FAAP20: variants seen among roughly 807,000 people sequenced by gnomAD.
FAAP20 encodes the protein Fanconi anemia core complex-associated protein 20.
A neutral mutation model predicts 16.2 loss-of-function variants in FAAP20; 12 were observed. The ratio of observed to expected loss-of-function variants is 0.74; its 90% confidence interval spans 0.48 to 1.20. The LOEUF (loss-of-function observed/expected upper bound fraction) is 1.20, where lower values mean the gene tolerates loss of function less well. Among genes scored for constraint, FAAP20 ranks in the 50% most tolerant of loss-of-function variants. FAAP20 has a pLI of 0.00. For synonymous variants in FAAP20, 141 were observed against 110.7 expected, an observed-to-expected ratio of 1.27 and a Z score of -1.72; for missense variants, 288 against 245.8, an observed-to-expected ratio of 1.17 and a Z score of -1.15.
downstream of FAAP20, chr1:2,184,687 C>T: frequency 6.2e-7 from 1 of 1,613,286 alleles, no homozygotes; most frequent in South Asian, 1.1e-5. Context: ...TGCAGCTGAC[C>T]CCAGACGATG....
chr1:2,210,436 C>T (rs779574739), downstream of FAAP20, among the ~76,000 whole-genome samples: 3 of 152,310 alleles, frequency 2.0e-5, no homozygotes, highest in Non-Finnish European at 2.9e-5. Context: ...CCGCCTCCCC[C>T]ACCCCAGACC....
At chr1:2,200,666 G>A (rs940835942), upstream of FAAP20, 13 of 986,714 alleles carry the variant, frequency 1.3e-5, no homozygotes, top group African/African-American at 1.2e-4. Context: ...CAGGAGACAC[G>A]CAGCAGGCTC....
downstream of FAAP20, among the ~76,000 whole-genome samples, chr1:2,186,500 C>CCCT (rs1687616891): frequency 6.7e-6 from 1 of 149,172 alleles, no homozygotes; most frequent in African/African-American, 2.5e-5. Context: ...ACACCCGCCC[C>CCCT]CCCCCGGCCA....
At chr1:2,186,108 A>AG (rs1448613704), downstream of FAAP20, 2 of 453,268 alleles carry the variant, frequency 4.4e-6, no homozygotes, top group African/African-American at 2.0e-5. Flanking sequence ...GCTCCCTGGG[A>AG]GAGGGGGTCG....
At chr1:2,203,564 C>T (rs1162840207), upstream of FAAP20, 4 of 986,010 alleles carry the variant, frequency 4.1e-6, no homozygotes, top group East Asian at 4.5e-4. Flanking sequence ...TGCCCCTCAC[C>T]TGGGGTGGAG....
At chr1:2,193,114 C>A in intron 3 of FAAP20, 1 of 871,262 alleles carries the variant, frequency 1.1e-6, no homozygotes, top group Non-Finnish European at 1.6e-6. Context: ...CTCCGGAGGC[C>A]AAGGGCCCAG....
chr1:2,203,783 C>T (rs1689136672), upstream of FAAP20: 2 of 336,716 alleles, frequency 5.9e-6, no homozygotes, highest in Non-Finnish European at 8.4e-6. Context: ...CTGTTCACCC[C>T]ACACCCAGCC....
chr1:2,198,484 A>T (rs1572128654), upstream of FAAP20: 1 of 425,028 alleles, frequency 2.4e-6, no homozygotes, highest in South Asian at 2.2e-5. Flanking sequence ...GCGGAAGAAC[A>T]AGTGTCCCAG....
rs1324051662 is a variant in FAAP20 at position 2,193,789 on chromosome 1, G to A, written c.320C>T (p.Ala107Val). The change falls in exon 3 of 4, where the codon GCA becomes GTA. Residue 107 changes from alanine to valine, a missense_variant. By Grantham distance (64) the Ala-to-Val change is moderately conservative. Transcript: ENST00000378546. The part of the protein sequence containing the change: ...PGRSYRLLHG[A>V]GGHLESPARS... The stretch of plus-strand genomic sequence containing the variant: ...GGCGGGGGATTCCAGGTGCCCTCCT[G>A]CCCCGTGAAGCAGCCGGTAGGAACG... 1 of 1,602,614 alleles carries A rather than the reference G, an allele frequency of 6.2e-7. No individual in the cohort carries two copies. The highest frequency in any genetic ancestry group is 1.8e-5 in the Admixed American group (1 of 55,856).
intron 3 of FAAP20, chr1:2,190,609 G>A (rs1022043875): frequency 2.3e-5 from 8 of 354,542 alleles, no homozygotes; most frequent in African/African-American, 6.4e-5. Flanking sequence ...GGAGAGTGCC[G>A]GAGCTGGCGT....
At chr1:2,187,207 C>G (rs1387377182), downstream of FAAP20, 2 of 470,500 alleles carry the variant, frequency 4.3e-6, no homozygotes, top group Admixed American at 2.4e-5. Flanking sequence ...CCATGAAAGA[C>G]TTTAATGGAA....
At chr1:2,202,987 G>A (rs1689105754), upstream of FAAP20, among the ~76,000 whole-genome samples, 1 of 152,144 alleles carries the variant, frequency 6.6e-6, no homozygotes, top group Admixed American at 6.5e-5. Context: ...CCTGCAGTGG[G>A]AGCCGTCCTC....
downstream of FAAP20, chr1:2,184,727 A>G (rs772809975): frequency 1.3e-5 from 21 of 1,592,430 alleles, no homozygotes; most frequent in Non-Finnish European, 1.8e-5. Flanking sequence ...GGGTCCCTGG[A>G]GCACCCCTCG....
downstream of FAAP20, chr1:2,185,908 G>A (rs974497151): frequency 5.8e-6 from 2 of 346,060 alleles, no homozygotes; most frequent in South Asian, 2.4e-5. Context: ...AAAGTTGAAC[G>A]TGATGACCCT....
intron 1 of FAAP20, among the ~76,000 whole-genome samples, chr1:2,194,476 G>A (rs1216677055): frequency 7.0e-6 from 1 of 142,780 alleles, no homozygotes; most frequent in Non-Finnish European, 1.5e-5. Context: ...GCGCGGGAGG[G>A]CCTGGGGCGG....
At chr1:2,190,663 C>T (rs1343723688) in intron 3 of FAAP20, 4 of 340,112 alleles carry the variant, frequency 1.2e-5, no homozygotes, top group Admixed American at 3.8e-5. Flanking sequence ...GCTGAGTGGG[C>T]GGCTTCAGCC....
upstream of FAAP20, among the ~76,000 whole-genome samples, chr1:2,202,813 A>G (rs1689100865): frequency 6.6e-6 from 1 of 152,046 alleles, no homozygotes; most frequent in South Asian, 2.1e-4. Context: ...AGGGTCTCAT[A>G]ATATTGTCCA....
At chr1:2,192,406 A>C in intron 3 of FAAP20, 1 of 995,826 alleles carries the variant, frequency 1.0e-6, no homozygotes, top group Non-Finnish European at 1.2e-6. Flanking sequence ...GCAGTCTGCC[A>C]AGCTTTCAGC....
chr1:2,204,592 G>A, upstream of FAAP20, among the ~76,000 whole-genome samples: 1 of 149,316 alleles, frequency 6.7e-6, no homozygotes, highest in East Asian at 2.0e-4. Flanking sequence ...GGCCCCGCCC[G>A]CCGCCGAGCC....
Sources: gnomAD v4.1 joint callset for allele counts (sites outside exome capture counted in the v4.1 genomes callset) on GRCh38, gnomAD v4.1.1 for gene constraint, MANE v1.5 for transcripts, NCBI Gene and HGNC (gene_info 2026-07-23, HGNC 2026-07-21) for gene names.